The following KANK2 variants were observed in gnomAD, a reference collection of about 807,000 sequenced individuals.
KANK2 encodes the protein KN motif and ankyrin repeat domain-containing protein 2.
A neutral mutation model predicts 74.6 loss-of-function variants in KANK2; 41 were observed. The observed-to-expected ratio is 0.55, with a 90% confidence interval of 0.43 to 0.71. The LOEUF is 0.71. Ranked by LOEUF, KANK2 falls within the 30% of genes least tolerant of loss-of-function variation. KANK2 has a pLI of 0.00. For missense variants in KANK2, 1,148 were observed against 1,196.4 expected, an observed-to-expected ratio of 0.96 and a Z score of 0.60; for synonymous variants, 537 against 519.0, an observed-to-expected ratio of 1.03 and a Z score of -0.47.
intron 6 of KANK2, 72 bp downstream of exon 6, chr19:11,178,273 A>G: frequency 8.7e-7 from 1 of 1,151,952 alleles, no homozygotes; most frequent in East Asian, 3.9e-5. Context: ...GGTAATTAGG[A>G]GGCTCTCGTG....
chr19:11,169,794 C>T, intron 12 of KANK2, 83 bp downstream of exon 12: 1 of 1,190,658 alleles, frequency 8.4e-7, no homozygotes. Context: ...GAGTGAGACT[C>T]TGCCTCAAAA....
intron 12 of KANK2, among the ~76,000 whole-genome samples, chr19:11,167,257 G>A (rs1037599490): frequency 6.6e-6 from 1 of 152,000 alleles, no homozygotes; most frequent in Non-Finnish European, 1.5e-5. Context: ...TAGAGATGGG[G>A]TTTCTCCATG....
intron 1 of KANK2, 157 bp from the exon 2 acceptor site, chr19:11,195,977 C>G (rs1387761002): frequency 8.4e-6 from 1 of 119,160 alleles, no homozygotes; most frequent in Non-Finnish European, 1.7e-5. Flanking sequence ...TTGGAATAGC[C>G]GAGCGGGGTG....
At chr19:11,181,074 G>A (rs1295165671) in intron 4 of KANK2, among the ~76,000 whole-genome samples, 1 of 109,672 alleles carries the variant, frequency 9.1e-6, no homozygotes, top group African/African-American at 3.7e-5. Flanking sequence ...GGGATAGAGC[G>A]AGACTCTTGT....
chr19:11,178,163 G>T (rs1299837322), intron 6 of KANK2, among the ~76,000 whole-genome samples, 182 bp downstream of exon 6: 1 of 152,180 alleles, frequency 6.6e-6, no homozygotes, highest in Non-Finnish European at 1.5e-5. Context: ...GTCACTGAGT[G>T]AGCTCCAGAA....
At position 11,178,699 on chromosome 19, in the gene KANK2, T is replaced by A; in HGVS notation, c.1271A>T (p.Glu424Val). ...GAAGLPEVPAESSSSPPGSEV... is the reference protein window; with the variant it reads ...GAAGLPEVPAVSSSSPPGSEV... ...GGACCCCGGGGGTGACGAAGACGAT[T>A]CGGCAGGAACTTCTGGGAGGCCTGG... The change falls in exon 5 of 13, where the codon GAA becomes GTA. Residue 424 changes from glutamate (E) to valine (V), a missense_variant. Coordinates refer to ENST00000586659, the MANE Select transcript of KANK2 (RefSeq NM_001136191.3). 2 of 1,536,042 alleles carry A rather than the reference T, an allele frequency of 1.3e-6. No individual in the cohort carries two copies. Among genetic ancestry groups the A allele is most frequent in the Non-Finnish European group, 1.7e-6 (2 of 1,147,000 alleles).
rs1466076610 is a variant in KANK2 at position 11,178,671 on chromosome 19, C to T, written c.1299G>A (p.Glu433=). 1 of 1,551,472 alleles carries T rather than the reference C, an allele frequency of 6.4e-7. No individual in the cohort carries two copies. The highest frequency in any genetic ancestry group is 1.4e-5 in the African/African-American group (1 of 70,778). The change falls in exon 5 of 13, where the codon GAG becomes GAA. Residue 433 remains glutamate (E), a synonymous_variant. Transcript: ENST00000586659. Reference sequence around the variant, plus strand: ...TCTCAGGCTGTGTAAGGGAGGCTACCTCGGACCCCGGGGGTGACGAAGACG... The same window carrying T: ...TCTCAGGCTGTGTAAGGGAGGCTACTTCGGACCCCGGGGGTGACGAAGACG... ...AESSSSPPGS[E]VASLTQPEKS... is the part of the protein sequence containing the mutation.
intron 12 of KANK2, among the ~76,000 whole-genome samples, chr19:11,167,495 C>T (rs1350884500): frequency 6.6e-6 from 1 of 151,874 alleles, no homozygotes; most frequent in African/African-American, 2.4e-5. Context: ...TCCCGAGTAG[C>T]TGGGACTATA....
At chr19:11,181,121 G>A (rs1027522441) in intron 4 of KANK2, among the ~76,000 whole-genome samples, 3 of 138,500 alleles carry the variant, frequency 2.2e-5, no homozygotes, top group Non-Finnish European at 4.6e-5. Context: ...AAAAAATTCT[G>A]GGAGAGCCAA....
rs368328659 is a variant in KANK2, at chr19:11,170,098, C to A, written c.2362G>T (p.Ala788Ser). Reference sequence around the variant, plus strand: ...CTGGGCACGGCCAGCAGCAGCCCCGCGATCTCCTTGTGGCCGTGCTCACAG... The same window carrying A: ...CTGGGCACGGCCAGCAGCAGCCCCGAGATCTCCTTGTGGCCGTGCTCACAG... ...CACEHGHKEI[A>S]GLLLAVPSCD... Residue 788 changes from alanine to serine, a missense_variant, in exon 11 of 13, where the codon GCG (alanine) becomes TCG (serine). Physicochemically the swap from Ala to Ser is moderately conservative, Grantham distance 99. Transcript: ENST00000586659. The surrounding 1 kb of genome is among the most constrained non-coding windows in gnomAD (Gnocchi z 5.2). 6.2e-7 allele frequency: 1 copy of A among 1,613,604 alleles called. No homozygotes were observed. Among genetic ancestry groups the A allele is most frequent in the African/African-American group, 1.3e-5 (1 of 75,056 alleles).
rs1037728538 is a variant in KANK2, at chr19:11,193,995, C to T, written c.85G>A (p.Asp29Asn). 3.7e-6 allele frequency: 6 copies of T among 1,613,204 alleles called. No individual in the cohort carries two copies. The highest frequency in any genetic ancestry group is 4.5e-5 in the East Asian group (2 of 44,850). ...GGGGTCTCCACGGAGTAGGGTGGAT[C>T]GGGGTCCTTGGCAGGGAAGGCAGGT... The part of the protein sequence containing the change: ...SPPAFPAKDP[D>N]PPYSVETPYG... Residue 29 changes from aspartate to asparagine, a missense_variant, in exon 4 of 13, where the codon GAT becomes AAT. Coordinates refer to ENST00000586659, the MANE Select transcript of KANK2 (RefSeq NM_001136191.3). The surrounding 1 kb of genome is among the most constrained non-coding windows in gnomAD (Gnocchi z 9.6).
intron 4 of KANK2, among the ~76,000 whole-genome samples, chr19:11,191,195 C>A (rs1394748040): frequency 6.6e-6 from 1 of 151,872 alleles, no homozygotes; most frequent in Non-Finnish European, 1.5e-5. Flanking sequence ...TGTGCGCCAC[C>A]ACGCCCGGCT....
chr19:11,193,693 C>T lies in KANK2; in HGVS notation c.387G>A (p.Leu129=), dbSNP rs557840061. ...GGTCCTCGAGACGGCGACGGGCATC[C>T]AGCAGCGTGCGCTCCACCCGCGGAT... The part of the protein sequence containing the change: ...GFNPRVERTL[L]DARRRLEDQA... Residue 129 remains leucine (L), a synonymous_variant, in exon 4 of 13, where the codon CTG becomes CTA. Transcript: ENST00000586659. This position sits in a 1 kb window ranked among gnomAD's most constrained non-coding sequence, Gnocchi z 9.6. The T allele has an allele frequency of 1.1e-5, 17 of 1,610,802 alleles. No homozygotes were observed. In the South Asian group the frequency reaches 1.3e-4, roughly 12 times the overall value.
At chr19:11,186,706 A>G (rs960984328) in intron 4 of KANK2, among the ~76,000 whole-genome samples, 1 of 152,186 alleles carries the variant, frequency 6.6e-6, no homozygotes, top group Non-Finnish European at 1.5e-5. Context: ...TCTCAAAAAA[A>G]AAGAAGAAAA....
intron 4 of KANK2, among the ~76,000 whole-genome samples, chr19:11,188,874 CT>C (rs1300141820): frequency 6.6e-6 from 1 of 151,550 alleles, no homozygotes; most frequent in African/African-American, 2.4e-5. Flanking sequence ...ATCCCAGCTA[CT>C]TGGAAGGTGG....
In KANK2 at chr19:11,173,135, G is replaced by A; in HGVS notation, c.2069-12C>T. 1 of 1,607,880 alleles carries A rather than the reference G, an allele frequency of 6.2e-7. No homozygotes were observed. Among genetic ancestry groups the A allele is most frequent in the Non-Finnish European group, 8.5e-7 (1 of 1,176,530 alleles). ...CACCTTGCAGACACCTAAGAGACAT[G>A]GTGTGAACCCTCAGACCAGGGATCG... On this transcript the variant is annotated splice_polypyrimidine_tract_variant and intron_variant, in intron 9 of 12. Coordinates refer to ENST00000586659, the MANE Select transcript of KANK2 (RefSeq NM_001136191.3).
chr19:11,180,310 C>T (rs1431584995), intron 4 of KANK2, among the ~76,000 whole-genome samples: 1 of 152,000 alleles, frequency 6.6e-6, no homozygotes, highest in Non-Finnish European at 1.5e-5. Flanking sequence ...GTCCAGGCTG[C>T]TCTAGAACTC....
intron 4 of KANK2, among the ~76,000 whole-genome samples, chr19:11,188,984 C>CA (rs35435362): frequency 0.011 from 1,307 of 113,876 alleles, 11 homozygotes; most frequent in African/African-American, 0.017. Flanking sequence ...GACTCCATCT[C>CA]AAAAAAAAAA....
intron 4 of KANK2, among the ~76,000 whole-genome samples, chr19:11,190,990 C>G (rs1398579452): frequency 6.7e-6 from 1 of 148,984 alleles, no homozygotes. Context: ...CTCTGCCTCC[C>G]AAAGTGCTGG....
Sources: gnomAD v4.1 joint callset for allele counts (sites outside exome capture counted in the v4.1 genomes callset) on GRCh38, gnomAD v4.1.1 for gene constraint, Gnocchi (gnomAD v3.1) non-coding constraint, MANE v1.5 for transcripts, NCBI Gene and HGNC (gene_info 2026-07-23, HGNC 2026-07-21) for gene names.